Variants in F8 observed in about 807,000 individuals in gnomAD.
The protein encoded by F8 is antihemophilic factor.
F8 carries 12 observed loss-of-function variants against 140.6 expected under a neutral mutation model. The observed-to-expected ratio is 0.09, with a 90% CI of 0.05 to 0.14. The LOEUF (loss-of-function observed/expected upper bound fraction) is 0.14, where lower values mean the gene tolerates loss of function less well. F8 is among the 10% of genes least tolerant of loss of function. The pLI is 1.00. For missense variants in F8, 1,354 were observed against 1,720.7 expected, an observed-to-expected ratio of 0.79 and a Z score of 3.77; for synonymous variants, 585 against 614.6, an observed-to-expected ratio of 0.95 and a Z score of 0.71.
chrX:154,919,451 T>C (rs782462001), intron 14 of F8: 4 of 207,286 alleles, frequency 1.9e-5, no homozygotes, highest in African/African-American at 6.2e-5. Context: ...TTTATTATTA[T>C]GTTAGAGCAA....
chrX:154,876,587 T>A (rs948778888), intron 22 of F8, among the ~76,000 whole-genome samples: 9 of 111,936 alleles, frequency 8.0e-5, no homozygotes, highest in African/African-American at 2.9e-4. Flanking sequence ...AATAACATAT[T>A]CAAACCATAT....
At position 154,929,538 on chromosome X, in the gene F8, T is replaced by C. The variant is rs782274577; in HGVS notation, c.4252A>G (p.Ile1418Val). ...PIAKVSSFPSIRPIYLTRVLF... is the reference protein window; with the variant it reads ...PIAKVSSFPSVRPIYLTRVLF... Reference sequence around the variant, plus strand: ...ACCCTGGTCAGATATATAGGTCTAATAGATGGAAATGATGATACCTTTGCA... The same window carrying C: ...ACCCTGGTCAGATATATAGGTCTAACAGATGGAAATGATGATACCTTTGCA... The change falls in exon 14 of 26, where the codon ATT becomes GTT. Residue 1418 changes from isoleucine (I) to valine (V), a missense_variant. Coordinates refer to ENST00000360256, the MANE Select transcript of F8 (RefSeq NM_000132.4). 8.3e-7 allele frequency: 1 copy of C among 1,210,647 alleles called. No individual in the cohort carries two copies. The highest frequency in any genetic ancestry group is 3.0e-5 in the East Asian group (1 of 33,843).
At chrX:154,892,864 C>T (rs902669180) in intron 22 of F8, among the ~76,000 whole-genome samples, 7 of 111,563 alleles carry the variant, frequency 6.3e-5, no homozygotes, top group African/African-American at 2.0e-4. Context: ...CCTTATTATA[C>T]CCGCCTCCCT....
At chrX:154,957,371 C>T (rs1028035136) in intron 10 of F8, among the ~76,000 whole-genome samples, 200 bp from the exon 11 acceptor site, 7 of 111,301 alleles carry the variant, frequency 6.3e-5, no homozygotes, top group Admixed American at 3.8e-4. Flanking sequence ...ATTGATTATC[C>T]GGTTGACTGT....
At chrX:154,988,233 A>G (rs2073569735) in intron 4 of F8, among the ~76,000 whole-genome samples, 1 of 112,424 alleles carries the variant, frequency 8.9e-6, no homozygotes, top group Non-Finnish European at 1.9e-5. Flanking sequence ...ACTAATAGCA[A>G]CAAGAATGAA....
At chrX:154,950,659 T>C (rs1239563060) in intron 12 of F8, among the ~76,000 whole-genome samples, 2 of 112,463 alleles carry the variant, frequency 1.8e-5, no homozygotes, top group Non-Finnish European at 3.8e-5. Context: ...CACCATAGTG[T>C]ACAATAGATG....
At chrX:154,992,567 A>G (rs1557284754) in intron 4 of F8, among the ~76,000 whole-genome samples, 1 of 112,125 alleles carries the variant, frequency 8.9e-6, no homozygotes, top group African/African-American at 3.2e-5. Context: ...TTGATCACAC[A>G]CTTGGATGTG....
chrX:154,898,278 A>G (rs1011955514), intron 21 of F8, among the ~76,000 whole-genome samples: 17 of 111,292 alleles, frequency 1.5e-4, no homozygotes, highest in Admixed American at 8.6e-4. Flanking sequence ...CTCCATCTCC[A>G]TGGTTTATTT....
intron 25 of F8, among the ~76,000 whole-genome samples, chrX:154,838,567 G>A (rs2072493096): frequency 8.9e-6 from 1 of 111,803 alleles, no homozygotes; most frequent in Non-Finnish European, 1.9e-5. Flanking sequence ...GATATCTTTA[G>A]GATCTCCTGA....
At chrX:154,986,859 C>G in intron 5 of F8, among the ~76,000 whole-genome samples, 1 of 111,742 alleles carries the variant, frequency 8.9e-6, no homozygotes, top group Non-Finnish European at 1.9e-5. Context: ...TCAGCACTCA[C>G]AACAATCTTA....
At chrX:154,846,973 A>G (rs1311510486) in intron 25 of F8, among the ~76,000 whole-genome samples, 1 of 111,480 alleles carries the variant, frequency 9.0e-6, no homozygotes, top group African/African-American at 3.3e-5. Flanking sequence ...TTGTAGGGCA[A>G]GCCTGGTGGT....
At chrX:154,957,358 G>GT (rs1328186809) in intron 10 of F8, among the ~76,000 whole-genome samples, 187 bp from the exon 11 acceptor site, 1 of 111,662 alleles carries the variant, frequency 9.0e-6, no homozygotes, top group African/African-American at 3.3e-5. Context: ...GTAAAAAGCT[G>GT]TAATTGATTA....
At chrX:154,934,850 A>G (rs1451097150) in intron 13 of F8, among the ~76,000 whole-genome samples, 1 of 111,752 alleles carries the variant, frequency 8.9e-6, no homozygotes, top group Non-Finnish European at 1.9e-5. Context: ...GGATCAAGAT[A>G]CTACAAGATA....
intron 5 of F8, among the ~76,000 whole-genome samples, chrX:154,985,957 C>T (rs1557284170): frequency 8.9e-6 from 1 of 112,167 alleles, no homozygotes; most frequent in Non-Finnish European, 1.9e-5. Context: ...GTAGAAAATA[C>T]TGATATAGTA....
At chrX:154,963,984 G>A (rs1238557776) in intron 9 of F8, among the ~76,000 whole-genome samples, 3 of 111,090 alleles carry the variant, frequency 2.7e-5, no homozygotes, top group African/African-American at 9.8e-5. Flanking sequence ...GGGACTACAG[G>A]CATGTGCCAC....
At chrX:154,976,577 C>T (rs1453887163) in intron 6 of F8, among the ~76,000 whole-genome samples, 2 of 106,783 alleles carry the variant, frequency 1.9e-5, no homozygotes, top group African/African-American at 6.9e-5. Context: ...CTCCCCCTTC[C>T]CCCCACCCCA....
intron 6 of F8, among the ~76,000 whole-genome samples, chrX:154,974,086 G>A (rs1255779380): frequency 1.8e-5 from 2 of 111,565 alleles, no homozygotes; most frequent in Non-Finnish European, 3.8e-5. Flanking sequence ...CCAAAGTTCT[G>A]GGATTACAGG....
chrX:154,982,445 C>CAA (rs782689011), intron 6 of F8, among the ~76,000 whole-genome samples: 29 of 59,224 alleles, frequency 4.9e-4, no homozygotes, highest in East Asian at 1.0e-3. Context: ...GACTCCGTCT[C>CAA]AAAAAAAAAA....
chrX:154,888,798 C>T (rs1557274945), intron 22 of F8, among the ~76,000 whole-genome samples: 1 of 110,978 alleles, frequency 9.0e-6, no homozygotes, highest in African/African-American at 3.4e-5. Context: ...CCTCCGTGTT[C>T]CCCCAAAGCA....
Sources: allele counts gnomAD v4.1 joint callset (sites outside exome capture counted in the v4.1 genomes callset), GRCh38; gene constraint gnomAD v4.1.1; transcripts MANE v1.5; gene names NCBI Gene and HGNC (gene_info 2026-07-23, HGNC 2026-07-21).